NPFFR2: variants seen among roughly 807,000 people sequenced by gnomAD.
NPFFR2 encodes neuropeptide FF receptor 2.
Under a neutral mutation model 13.1 loss-of-function variants are expected in NPFFR2, and 15 were observed. The observed-to-expected ratio is 1.15, with a 90% confidence interval of 0.77 to 1.76. The LOEUF (loss-of-function observed/expected upper bound fraction) is 1.76. NPFFR2 is among the 40% of genes most tolerant of loss of function. The pLI is 0.00. For missense variants in NPFFR2, 572 were observed against 503.5 expected (o/e 1.14, Z -1.30); for synonymous variants, 190 against 175.7 (o/e 1.08, Z -0.65).
intron 3 of NPFFR2, among the ~76,000 whole-genome samples, chr4:72,144,249 G>T (rs1014848549): frequency 5.3e-5 from 8 of 152,106 alleles, no homozygotes; most frequent in African/African-American, 1.9e-4. Flanking sequence ...GGGCTCTCCA[G>T]CAAGGCTACT....
intron 1 of NPFFR2, among the ~76,000 whole-genome samples, chr4:72,094,256 C>T (rs77937277): frequency 0.016 from 2,414 of 152,240 alleles, 38 homozygotes; most frequent in African/African-American, 0.044. Context: ...AAGTGGACTC[C>T]ATGAGAGTTC....
At chr4:72,080,609 T>A (rs771671331) in intron 1 of NPFFR2, among the ~76,000 whole-genome samples, 3 of 152,188 alleles carry the variant, frequency 2.0e-5, no homozygotes, top group Non-Finnish European at 4.4e-5. Flanking sequence ...AATTAGAATA[T>A]TTGTTCCTCA....
At chr4:72,103,367 G>T (rs1721311679) in intron 1 of NPFFR2, among the ~76,000 whole-genome samples, 1 of 152,118 alleles carries the variant, frequency 6.6e-6, no homozygotes, top group Non-Finnish European at 1.5e-5. Flanking sequence ...GTCAAAAGAG[G>T]ATTTGCTCTC....
At position 72,053,291 on chromosome 4, in the gene NPFFR2, CTA is replaced by C. The variant is rs1719643941; in HGVS notation, c.-8+21093_-8+21094del. 2.6e-5 allele frequency among the ~76,000 whole-genome samples: 4 copies of C among 151,760 alleles called. No homozygotes were observed. The South Asian group carries it at 8.3e-4, about 32-fold the overall frequency. ...TTTCTCAAGCTCCCAGATCTCCAGGCTATGTGGAGAACAAAGTGAATCTGGGG... is the reference window on the plus strand; with the variant it reads ...TTTCTCAAGCTCCCAGATCTCCAGGCTGTGGAGAACAAAGTGAATCTGGGG... On this transcript the variant is annotated intron_variant, in intron 1 of 3. Transcript: ENST00000308744.
chr4:72,035,251 G>A (rs1436663045), intron 1 of NPFFR2, among the ~76,000 whole-genome samples: 1 of 152,178 alleles, frequency 6.6e-6, no homozygotes, highest in Non-Finnish European at 1.5e-5. Flanking sequence ...CTATTATGCT[G>A]GATACAGTGT....
intron 2 of NPFFR2, among the ~76,000 whole-genome samples, chr4:72,130,897 G>A (rs756005435): frequency 6.6e-6 from 1 of 152,172 alleles, no homozygotes; most frequent in Non-Finnish European, 1.5e-5. Context: ...CAGGTCGCAT[G>A]AACGAATTGA....
intron 1 of NPFFR2, among the ~76,000 whole-genome samples, chr4:72,033,716 T>C (rs1294001476): frequency 6.6e-6 from 1 of 152,194 alleles, no homozygotes; most frequent in East Asian, 1.9e-4. Flanking sequence ...AAATTATATA[T>C]TAGAAATTCA....
chr4:72,083,209 A>C (rs977772913), intron 1 of NPFFR2, among the ~76,000 whole-genome samples: 1 of 152,134 alleles, frequency 6.6e-6, no homozygotes, highest in Admixed American at 6.6e-5. Flanking sequence ...CTATACCCAT[A>C]AGTGGAATTT....
chr4:72,146,716 G>A lies in NPFFR2; in HGVS notation c.429-262G>A, dbSNP rs1158834066. 12 of 379,552 alleles carry A rather than the reference G, an allele frequency of 3.2e-5. No homozygotes were observed. The South Asian group carries it at 4.8e-4, about 15-fold the overall frequency. The allele number at this position is 379,552 out of a possible 1,614,324, so 23.5% of individuals were successfully genotyped here. A position where few individuals can be genotyped will look rare whatever the true frequency, so the allele number is the denominator to read the frequency against. ...AAATTAATGGAACAGAGTCTGAAAC[G>A]GTTTTAGGCATTCATGTTCATTATT... is the stretch of plus-strand genomic sequence containing the variant. On this transcript the variant is annotated intron_variant, in intron 3 of 3. Transcript: ENST00000308744.
At chr4:72,038,903 T>A (rs199537953) in intron 1 of NPFFR2, among the ~76,000 whole-genome samples, 1 of 93,730 alleles carries the variant, frequency 1.1e-5, no homozygotes, top group East Asian at 2.9e-4. Flanking sequence ...TAAATTTCCT[T>A]TCTTTTTTTT....
intron 1 of NPFFR2, among the ~76,000 whole-genome samples, chr4:72,038,570 C>T (rs7691780): frequency 0.34 from 51,491 of 151,812 alleles, 9,162 homozygotes; most frequent in East Asian, 0.68. Flanking sequence ...AAATACCAAT[C>T]AGTATATTTT....
chr4:72,091,936 A>G (rs890739937), intron 1 of NPFFR2, among the ~76,000 whole-genome samples: 9 of 151,864 alleles, frequency 5.9e-5, no homozygotes, highest in Middle Eastern at 3.4e-3. Flanking sequence ...TAGATTGTCT[A>G]TTTGTGCTCT....
At chr4:72,105,586 G>A (rs1721396619) in intron 1 of NPFFR2, among the ~76,000 whole-genome samples, 1 of 151,900 alleles carries the variant, frequency 6.6e-6, no homozygotes, top group Non-Finnish European at 1.5e-5. Flanking sequence ...AAAAGGAGTG[G>A]AAATTTTATA....
intron 1 of NPFFR2, among the ~76,000 whole-genome samples, chr4:72,063,312 A>G (rs555513208): frequency 6.6e-6 from 1 of 152,326 alleles, no homozygotes; most frequent in Non-Finnish European, 1.5e-5. Flanking sequence ...GGCAAAACAT[A>G]CAAATCAGAA....
chr4:72,075,086 A>G (rs1720386535), intron 1 of NPFFR2, among the ~76,000 whole-genome samples: 1 of 152,140 alleles, frequency 6.6e-6, no homozygotes. Context: ...GAAGATTACC[A>G]TTTGAGTCAG....
Position 72,128,878 on chromosome 4 carries a change from T to C in NPFFR2, c.287T>C (p.Ile96Thr). The change falls in exon 2 of 4, where the codon ATA becomes ACA. Residue 96 changes from isoleucine to threonine, a missense_variant. Transcript: ENST00000308744. ...GCCATAAGTGATTTACTAGTTGGCATATTCTGCATGCCTATAACACTGCTG... is the reference window on the plus strand; with the variant it reads ...GCCATAAGTGATTTACTAGTTGGCACATTCTGCATGCCTATAACACTGCTG... ...NLAISDLLVGIFCMPITLLDN... is the reference protein window; with the variant it reads ...NLAISDLLVGTFCMPITLLDN... 1 of 1,614,014 alleles carries C rather than the reference T, an allele frequency of 6.2e-7. No individual in the cohort carries two copies. Among genetic ancestry groups the C allele is most frequent in the Non-Finnish European group, 8.5e-7 (1 of 1,179,898 alleles).
chr4:72,082,231 G>A (rs931492389), intron 1 of NPFFR2, among the ~76,000 whole-genome samples: 1 of 152,158 alleles, frequency 6.6e-6, no homozygotes, highest in Non-Finnish European at 1.5e-5. Flanking sequence ...ATCAGCATAA[G>A]ACTAATTTAG....
chr4:72,071,013 A>G (rs1291177958), intron 1 of NPFFR2, among the ~76,000 whole-genome samples: 1 of 152,156 alleles, frequency 6.6e-6, no homozygotes, highest in Non-Finnish European at 1.5e-5. Context: ...TAAAAGTGGT[A>G]CATGTGACTG....
intron 1 of NPFFR2, among the ~76,000 whole-genome samples, chr4:72,116,945 C>G (rs1384242497): frequency 6.6e-6 from 1 of 152,136 alleles, no homozygotes; most frequent in Non-Finnish European, 1.5e-5. Flanking sequence ...CCCCCTACCC[C>G]AAACCTGCCT....
Sources: allele counts gnomAD v4.1 joint callset (sites outside exome capture counted in the v4.1 genomes callset), GRCh38; gene constraint gnomAD v4.1.1; transcripts MANE v1.5; gene names NCBI Gene and HGNC (gene_info 2026-07-23, HGNC 2026-07-21).